The following LARGE1 variants were observed in gnomAD, a reference collection of about 807,000 sequenced individuals.
LARGE1 encodes xylosyl- and glucuronyltransferase LARGE1.
A neutral mutation model predicts 87.6 loss-of-function variants in LARGE1; 43 were observed. The ratio of observed to expected loss-of-function variants is 0.49; its 90% CI spans 0.38 to 0.63. The LOEUF is 0.63. Among genes scored for constraint, LARGE1 ranks in the 30% least tolerant of loss-of-function variants. LARGE1 has a pLI of 0.00. For synonymous variants in LARGE1, 434 were observed against 394.6 expected, an observed-to-expected ratio of 1.10 and a Z score of -1.18; for missense variants, 802 against 1,000.2, an observed-to-expected ratio of 0.80 and a Z score of 2.67.
chr22:33,748,651 TAGAC>T (rs1374073339), intron 2 of LARGE1, among the ~76,000 whole-genome samples: 2 of 152,218 alleles, frequency 1.3e-5, no homozygotes, highest in Non-Finnish European at 2.9e-5. Flanking sequence ...GACTGGGACT[TAGAC>T]AGCCCCATCC....
intron 2 of LARGE1, among the ~76,000 whole-genome samples, chr22:33,714,986 G>T (rs564492568): frequency 6.6e-6 from 1 of 152,190 alleles, no homozygotes; most frequent in African/African-American, 2.4e-5. Flanking sequence ...AAGAAATCAG[G>T]AAGGAGAAGA....
At chr22:33,731,122 C>G (rs1337016221) in intron 2 of LARGE1, among the ~76,000 whole-genome samples, 1 of 151,920 alleles carries the variant, frequency 6.6e-6, no homozygotes, top group Admixed American at 6.6e-5. Context: ...CCTGCCTCAG[C>G]CTTCCCAGTA....
intron 5 of LARGE1, among the ~76,000 whole-genome samples, chr22:33,599,921 C>A (rs2079071868): frequency 6.6e-6 from 1 of 152,090 alleles, no homozygotes; most frequent in Admixed American, 6.5e-5. Flanking sequence ...TGTTTCCTTC[C>A]TAGCATACCT....
At chr22:33,122,058 T>C in the LARGE1 span, among the ~76,000 whole-genome samples, 1 of 152,210 alleles carries the variant, frequency 6.6e-6, no homozygotes, top group East Asian at 1.9e-4. Context: ...AGTCAAACCA[T>C]ATCACCTTGT....
chr22:33,224,132 G>T (rs2145633174), intron 11 of LARGE1, among the ~76,000 whole-genome samples: 1 of 152,238 alleles, frequency 6.6e-6, no homozygotes. Context: ...TGGGCGTGGT[G>T]GTGGGCACCT....
intron 2 of LARGE1, among the ~76,000 whole-genome samples, chr22:33,650,900 G>A (rs1162562208): frequency 1.3e-5 from 2 of 152,078 alleles, no homozygotes; most frequent in Non-Finnish European, 2.9e-5. Flanking sequence ...TTTAGAGAAG[G>A]CAATCATAAT....
In LARGE1 at chr22:33,384,157, C is replaced by G. The variant is rs770924770; in HGVS notation, c.1005+35G>C. 4 of 1,424,054 alleles carry G rather than the reference C, an allele frequency of 2.8e-6. No homozygotes were observed. The African/African-American group carries it at 5.6e-5, about 20-fold the overall frequency. 88.2% of individuals were successfully genotyped at this position (1,424,054 alleles called of 1,614,324 possible). On this transcript the variant is annotated intron_variant, in intron 8 of 14. Coordinates refer to ENST00000397394, the MANE Select transcript of LARGE1 (RefSeq NM_133642.5). The stretch of plus-strand genomic sequence containing the variant: ...TTTGAGAAACAGCACCAAGCACACT[C>G]AGGAATAGCTGCACCTTCGAACCTG...
intron 1 of LARGE1, among the ~76,000 whole-genome samples, chr22:33,883,855 C>T (rs1267285525): frequency 1.3e-5 from 2 of 152,208 alleles, no homozygotes; most frequent in Non-Finnish European, 2.9e-5. Context: ...ACACACTCCA[C>T]CCTCCCTCTC....
At chr22:33,614,894 C>T (rs545711096) in intron 4 of LARGE1, among the ~76,000 whole-genome samples, 122 of 152,330 alleles carry the variant, frequency 8.0e-4, no homozygotes, top group African/African-American at 2.8e-3. Flanking sequence ...TAGCTGGTCT[C>T]GGGTGCAGTT....
At chr22:33,719,235 A>G (rs1222571118) in intron 2 of LARGE1, among the ~76,000 whole-genome samples, 1 of 152,258 alleles carries the variant, frequency 6.6e-6, no homozygotes, top group African/African-American at 2.4e-5. Flanking sequence ...CAAGAGTCAA[A>G]AAGCTTAAAA....
intron 6 of LARGE1, among the ~76,000 whole-genome samples, chr22:33,535,731 G>A (rs1478144160): frequency 1.3e-5 from 2 of 152,010 alleles, no homozygotes; most frequent in African/African-American, 2.4e-5. Context: ...AACCTCTCAC[G>A]GCTGAGCCCT....
intron 6 of LARGE1, among the ~76,000 whole-genome samples, chr22:33,525,300 C>A (rs1474216120): frequency 6.6e-6 from 1 of 152,208 alleles, no homozygotes; most frequent in Admixed American, 6.5e-5. Context: ...GCAAATTCCA[C>A]TACCACCCCA....
intron 7 of LARGE1, among the ~76,000 whole-genome samples, chr22:33,414,164 C>G (rs1190556593): frequency 1.3e-5 from 2 of 152,180 alleles, no homozygotes; most frequent in East Asian, 3.9e-4. Context: ...TTCCCAAAAA[C>G]AGTGTTTAAA....
intron 3 of LARGE1, among the ~76,000 whole-genome samples, chr22:33,634,668 A>T (rs927953305): frequency 6.8e-6 from 1 of 146,612 alleles, no homozygotes; most frequent in African/African-American, 2.7e-5. Flanking sequence ...TGCAAAAAAA[A>T]TTTCAAAATA....
chr22:33,466,504 G>C (rs1292320488), intron 6 of LARGE1, among the ~76,000 whole-genome samples: 1 of 151,820 alleles, frequency 6.6e-6, no homozygotes, highest in East Asian at 1.9e-4. Flanking sequence ...AAAAAAAAAG[G>C]AAGGCTGCAT....
intron 7 of LARGE1, among the ~76,000 whole-genome samples, chr22:33,427,970 T>A (rs1056705954): frequency 2.6e-5 from 4 of 152,242 alleles, no homozygotes; most frequent in African/African-American, 9.6e-5. Context: ...ATATGCGAAC[T>A]AAATAGTCAT....
the LARGE1 span, among the ~76,000 whole-genome samples, chr22:33,081,879 C>T: frequency 1.3e-5 from 2 of 152,158 alleles, no homozygotes; most frequent in African/African-American, 2.4e-5. Context: ...TAACATTTTC[C>T]ATGATCCCAT....
intron 1 of LARGE1, among the ~76,000 whole-genome samples, chr22:33,887,337 T>C (rs567833387): frequency 2.0e-5 from 3 of 152,262 alleles, no homozygotes; most frequent in South Asian, 2.1e-4. Context: ...AAGGACGCAA[T>C]GAGAAGGCCA....
At chr22:33,566,572 T>C (rs781358092) in intron 5 of LARGE1, among the ~76,000 whole-genome samples, 3 of 151,902 alleles carry the variant, frequency 2.0e-5, no homozygotes, top group Non-Finnish European at 2.9e-5. Flanking sequence ...ACCCAAAGAG[T>C]GAGCAGCAGC....
Sources: allele counts gnomAD v4.1 joint callset (sites outside exome capture counted in the v4.1 genomes callset), GRCh38; gene constraint gnomAD v4.1.1; transcripts MANE v1.5; gene names NCBI Gene and HGNC (gene_info 2026-07-23, HGNC 2026-07-21).